The following LSAMP variants were observed in gnomAD, a reference collection of about 807,000 sequenced individuals.
LSAMP encodes the protein limbic system associated membrane protein, also known as limbic system-associated membrane protein.
LSAMP carries 7 observed loss-of-function variants against 38.6 expected under a neutral mutation model. That is an observed-to-expected ratio of 0.18 (90% confidence interval 0.10 to 0.34). The LOEUF is 0.34. Among genes scored for constraint, LSAMP ranks in the 10% least tolerant of loss-of-function variants. The pLI, the probability that LSAMP is intolerant of heterozygous loss-of-function variation, is 1.00. For missense variants in LSAMP, 313 were observed against 420.0 expected, an observed-to-expected ratio of 0.75 and a Z score of 2.23; for synonymous variants, 154 against 166.8, an observed-to-expected ratio of 0.92 and a Z score of 0.59.
In LSAMP at chr3:116,239,164, A is replaced by G. The variant is rs58827595; in HGVS notation, c.156-152608T>C. Among the ~76,000 whole-genome samples the G allele has an allele frequency of 4.6e-3, 706 of 152,302 alleles. 37 individuals are homozygous for G. In the East Asian group the frequency reaches 0.11, roughly 23 times the overall value. ...TTTCTTCTGTGAGGTTGCTGACCTC[A>G]CCACAGGGCTATGAAATGTATAGAG... On this transcript the variant is annotated intron_variant, in intron 1 of 6. Coordinates refer to ENST00000490035, the MANE Select transcript of LSAMP (RefSeq NM_002338.5).
At chr3:116,152,940 G>A (rs1185327614) in intron 1 of LSAMP, among the ~76,000 whole-genome samples, 1 of 151,968 alleles carries the variant, frequency 6.6e-6, no homozygotes, top group Non-Finnish European at 1.5e-5. Context: ...TTAAAGAAGA[G>A]CTTCTGTGTA....
intron 6 of LSAMP, among the ~76,000 whole-genome samples, chr3:115,839,254 C>T (rs28607984): frequency 1.2e-4 from 12 of 102,798 alleles, no homozygotes; most frequent in South Asian, 7.8e-4. Context: ...TCCTTCCTTC[C>T]TTCTTTCTTT....
chr3:116,212,362 G>A (rs548327705), intron 1 of LSAMP, among the ~76,000 whole-genome samples: 1 of 152,244 alleles, frequency 6.6e-6, no homozygotes, highest in East Asian at 1.9e-4. Flanking sequence ...CAATATCATA[G>A]TGTTTCCTGA....
chr3:116,083,406 T>C (rs373895503), intron 2 of LSAMP, among the ~76,000 whole-genome samples: 24 of 152,334 alleles, frequency 1.6e-4, no homozygotes, highest in African/African-American at 5.8e-4. Flanking sequence ...TTTATGTATA[T>C]TTTTCATATG....
chr3:116,194,141 G>C (rs1440125867), intron 1 of LSAMP, among the ~76,000 whole-genome samples: 1 of 152,182 alleles, frequency 6.6e-6, no homozygotes, highest in Non-Finnish European at 1.5e-5. Flanking sequence ...AGAGAGGTAA[G>C]GGGTGATGGC....
chr3:115,883,667 C>T (rs1936379158), intron 3 of LSAMP, among the ~76,000 whole-genome samples: 1 of 151,958 alleles, frequency 6.6e-6, no homozygotes, highest in Non-Finnish European at 1.5e-5. Flanking sequence ...CTGTAGGAAT[C>T]CCAGATCTAA....
intron 3 of LSAMP, among the ~76,000 whole-genome samples, chr3:115,928,969 G>GTTTTTTTTTTTT (rs1033194537): frequency 3.7e-5 from 2 of 53,572 alleles, no homozygotes; most frequent in Non-Finnish European, 8.2e-5. Context: ...CAGGTTTTTT[G>GTTTTTTTTTTTT]TTTGTTTTTT....
At chr3:116,230,175 T>A (rs1475478878) in intron 1 of LSAMP, among the ~76,000 whole-genome samples, 1 of 152,116 alleles carries the variant, frequency 6.6e-6, no homozygotes, top group African/African-American at 2.4e-5. Context: ...AGAACACAGA[T>A]ACTTGGGCTG....
intron 1 of LSAMP, among the ~76,000 whole-genome samples, chr3:116,307,832 G>C (rs1467820703): frequency 6.6e-6 from 1 of 151,766 alleles, no homozygotes; most frequent in African/African-American, 2.4e-5. Context: ...ACCACTATGT[G>C]ATTAAGAGCA....
chr3:116,317,340 C>G (rs1383645845), intron 1 of LSAMP, among the ~76,000 whole-genome samples: 1 of 151,856 alleles, frequency 6.6e-6, no homozygotes, highest in Non-Finnish European at 1.5e-5. Flanking sequence ...ACAAAGAGAG[C>G]CCAATCTCTT....
chr3:116,160,970 G>A (rs917912204), intron 1 of LSAMP, among the ~76,000 whole-genome samples: 19 of 152,276 alleles, frequency 1.2e-4, no homozygotes, highest in Admixed American at 2.6e-4. Context: ...TTGCAATGAT[G>A]GAAATGTTCT....
At chr3:115,938,341 T>C (rs910334275) in intron 3 of LSAMP, among the ~76,000 whole-genome samples, 4 of 152,190 alleles carry the variant, frequency 2.6e-5, no homozygotes, top group African/African-American at 7.2e-5. Flanking sequence ...GTTTGTGGAA[T>C]AAGTTTTTTA....
chr3:116,336,076 T>C (rs142696348), intron 1 of LSAMP, among the ~76,000 whole-genome samples: 7 of 152,058 alleles, frequency 4.6e-5, no homozygotes, highest in Non-Finnish European at 1.0e-4. Context: ...AAGAATGAAA[T>C]TGGACCCTTG....
chr3:115,916,515 C>T (rs1173820810), intron 3 of LSAMP, among the ~76,000 whole-genome samples: 1 of 152,168 alleles, frequency 6.6e-6, no homozygotes, highest in East Asian at 1.9e-4. Context: ...AGGTATATCA[C>T]ATTAAGAAAA....
rs564798514 is a variant in LSAMP, at chr3:116,180,946, G to A, written c.156-94390C>T. 2.6e-5 allele frequency among the ~76,000 whole-genome samples: 4 copies of A among 152,162 alleles called. No homozygotes were observed. The East Asian group carries it at 7.7e-4, about 29-fold the overall frequency. On this transcript the variant is annotated intron_variant, in intron 1 of 6. Coordinates refer to ENST00000490035, the MANE Select transcript of LSAMP (RefSeq NM_002338.5). ...TTTGTAGAATATTGAGAGAGCTGCT[G>A]AAATAACAGCAGCATATGAGTGCTG...
At chr3:115,905,928 A>G (rs1936997791) in intron 3 of LSAMP, among the ~76,000 whole-genome samples, 2 of 152,110 alleles carry the variant, frequency 1.3e-5, no homozygotes, top group African/African-American at 4.8e-5. Context: ...CTGCTGAAGA[A>G]GTGGGATGAG....
chr3:116,332,992 A>G (rs2047870431), intron 1 of LSAMP, among the ~76,000 whole-genome samples: 1 of 152,148 alleles, frequency 6.6e-6, no homozygotes, highest in African/African-American at 2.4e-5. Context: ...TACATAAAAT[A>G]AAAATTACAG....
intron 1 of LSAMP, among the ~76,000 whole-genome samples, chr3:116,396,600 AG>A (rs1338249263): frequency 6.6e-6 from 1 of 152,218 alleles, no homozygotes; most frequent in Non-Finnish European, 1.5e-5. Context: ...ATCTCTAGAA[AG>A]CAGAGATGGT....
chr3:115,829,350 G>A lies in LSAMP; in HGVS notation c.919+12495C>T, dbSNP rs186985039. Among the ~76,000 whole-genome samples, 257 of 152,214 alleles carry A rather than the reference G, an allele frequency of 1.7e-3. 1 individual carries two copies. Among genetic ancestry groups the A allele is most frequent in the African/African-American group, 5.7e-3 (236 of 41,522 alleles). ...TCTAACCACTAAAGAAAATCAGAAGGAAATCAGACTATTGTTCCCATAAAC... is the reference window on the plus strand; with the variant it reads ...TCTAACCACTAAAGAAAATCAGAAGAAAATCAGACTATTGTTCCCATAAAC... On this transcript the variant is annotated intron_variant, in intron 6 of 6. Coordinates refer to ENST00000490035, the MANE Select transcript of LSAMP (RefSeq NM_002338.5).
Sources: allele counts gnomAD v4.1 joint callset (sites outside exome capture counted in the v4.1 genomes callset), GRCh38; gene constraint gnomAD v4.1.1; transcripts MANE v1.5; gene names NCBI Gene and HGNC (gene_info 2026-07-23, HGNC 2026-07-21).